GRM7: variants seen among roughly 807,000 people sequenced by gnomAD.
GRM7 encodes metabotropic glutamate receptor 7.
Under a neutral mutation model 84.5 loss-of-function variants are expected in GRM7, and 35 were observed. That is an observed-to-expected ratio of 0.41 (90% CI 0.32 to 0.55). The LOEUF (loss-of-function observed/expected upper bound fraction) is 0.55, where lower values mean the gene tolerates loss of function less well. GRM7 is among the 20% of genes least tolerant of loss of function. The pLI is 0.19. For synonymous variants in GRM7, 487 were observed against 455.1 expected (o/e 1.07, Z -0.89); for missense variants, 1,003 against 1,194.6 (o/e 0.84, Z 2.36).
intron 9 of GRM7, among the ~76,000 whole-genome samples, chr3:7,738,385 G>C (rs1279825883): frequency 2.6e-5 from 4 of 152,056 alleles, no homozygotes; most frequent in Admixed American, 2.6e-4. Context: ...ATCATAAACA[G>C]TGCTCATCTC....
chr3:7,522,108 C>T (rs553837401), intron 7 of GRM7, among the ~76,000 whole-genome samples: 49 of 152,050 alleles, frequency 3.2e-4, no homozygotes, highest in African/African-American at 1.0e-3. Context: ...TGTGTTAGAC[C>T]GTAGCCTCTG....
At position 7,567,144 on chromosome 3, in the gene GRM7, T is replaced by A. The variant is rs547729414; in HGVS notation, c.1516-11278T>A. ...ACTCACTTCATTTGTTTACTCTATA[T>A]GTCCAGCTTCTGTAGGCATTTTAAG... On this transcript the variant is annotated intron_variant, in intron 7 of 9. Coordinates refer to ENST00000357716, the MANE Select transcript of GRM7 (RefSeq NM_000844.4). Among the ~76,000 whole-genome samples the A allele has an allele frequency of 1.1e-3, 167 of 152,352 alleles. 3 individuals are homozygous for A. In the South Asian group the frequency reaches 0.032, roughly 29 times the overall value.
intron 6 of GRM7, 116 bp downstream of exon 6, chr3:7,452,923 TA>T: frequency 3.0e-6 from 2 of 656,266 alleles, no homozygotes; most frequent in East Asian, 5.5e-5. Context: ...TGCTTGATTA[TA>T]AAACTTTAAA....
chr3:7,137,749 T>TG (rs5846489), intron 1 of GRM7, among the ~76,000 whole-genome samples: 152,094 of 152,112 alleles, frequency 1, 76,038 homozygotes, highest in Non-Finnish European at 1. Flanking sequence ...TTTGGAGTGG[T>TG]GCAATTCAGG....
chr3:7,246,190 T>A lies in GRM7; in HGVS notation c.737-52494T>A, dbSNP rs370814658. Among the ~76,000 whole-genome samples, 90 of 152,272 alleles carry A rather than the reference T, an allele frequency of 5.9e-4. 5 individuals are homozygous for A. The South Asian group carries it at 0.014, about 23-fold the overall frequency. ...GTAGAAGTCACAATTACTAGGTTTT[T>A]ACAATCCTTTTCTAACTCTTCTCCC... On this transcript the variant is annotated intron_variant, in intron 2 of 9. Transcript: ENST00000357716.
chr3:7,672,109 T>C (rs923001573), intron 8 of GRM7, among the ~76,000 whole-genome samples: 4 of 152,006 alleles, frequency 2.6e-5, no homozygotes, highest in Non-Finnish European at 5.9e-5. Context: ...ATTTTTTTTT[T>C]CCATTATATA....
At chr3:7,321,421 C>T (rs1455456161) in intron 4 of GRM7, among the ~76,000 whole-genome samples, 1 of 151,948 alleles carries the variant, frequency 6.6e-6, no homozygotes, top group Non-Finnish European at 1.5e-5. Context: ...TCTGACCAGT[C>T]CCAAAAAGTA....
At chr3:6,935,532 C>T (rs1697657804) in intron 1 of GRM7, among the ~76,000 whole-genome samples, 1 of 151,808 alleles carries the variant, frequency 6.6e-6, no homozygotes, top group African/African-American at 2.4e-5. Flanking sequence ...CTAAATTCAC[C>T]CTTTTTACCT....
intron 7 of GRM7, among the ~76,000 whole-genome samples, chr3:7,543,174 C>T (rs567827191): frequency 1.2e-4 from 19 of 152,220 alleles, no homozygotes; most frequent in African/African-American, 4.1e-4. Flanking sequence ...GGTTTAGAGC[C>T]GAGAGGTTAA....
intron 1 of GRM7, among the ~76,000 whole-genome samples, chr3:6,921,340 G>A (rs1354755538): frequency 6.6e-6 from 1 of 152,182 alleles, no homozygotes; most frequent in African/African-American, 2.4e-5. Flanking sequence ...ACAGGAGGCA[G>A]CAGTGCCCGG....
At chr3:7,446,755 C>T (rs1050141292) in intron 5 of GRM7, among the ~76,000 whole-genome samples, 5 of 152,006 alleles carry the variant, frequency 3.3e-5, no homozygotes, top group Admixed American at 6.6e-5. Flanking sequence ...CTACCTTGCC[C>T]GGCCAGGATT....
At chr3:7,444,541 T>C (rs1697423580) in intron 5 of GRM7, among the ~76,000 whole-genome samples, 1 of 152,194 alleles carries the variant, frequency 6.6e-6, no homozygotes, top group Non-Finnish European at 1.5e-5. Context: ...ACTGAACAGA[T>C]TGGCATTACC....
rs1326149673 is a variant in GRM7 at position 7,305,340 on chromosome 3, T to A, written c.879-1158T>A. Among the ~76,000 whole-genome samples, 2 of 87,534 alleles carry A rather than the reference T, an allele frequency of 2.3e-5. 1 individual carries two copies. The highest frequency in any genetic ancestry group is 4.9e-5 in the Non-Finnish European group (2 of 40,900). The allele number at this position is 87,534 out of a possible 152,430, so 57.4% of individuals were successfully genotyped here. On this transcript the variant is annotated intron_variant, in intron 3 of 9. Coordinates refer to ENST00000357716, the MANE Select transcript of GRM7 (RefSeq NM_000844.4). ...TTTCCTATGCTGCTGCTTTTTTTTTTTTCTTTTTTTTTTTTTTTAATTATA... is the reference window on the plus strand; with the variant it reads ...TTTCCTATGCTGCTGCTTTTTTTTTATTCTTTTTTTTTTTTTTTAATTATA...
intron 1 of GRM7, among the ~76,000 whole-genome samples, chr3:6,948,556 A>T (rs971880809): frequency 6.6e-6 from 1 of 152,162 alleles, no homozygotes; most frequent in Non-Finnish European, 1.5e-5. Context: ...AGAGTTCTGT[A>T]GATGTCTATT....
intron 2 of GRM7, among the ~76,000 whole-genome samples, chr3:7,197,362 T>C (rs1308915087): frequency 2.0e-5 from 3 of 152,206 alleles, no homozygotes; most frequent in African/African-American, 4.8e-5. Flanking sequence ...ACATCTTTTA[T>C]CCTCACTATT....
chr3:6,982,571 T>C (rs1694250345), intron 1 of GRM7, among the ~76,000 whole-genome samples: 1 of 151,484 alleles, frequency 6.6e-6, no homozygotes, highest in South Asian at 2.1e-4. Context: ...CATGTAAACA[T>C]CACCAGAATC....
Position 7,517,003 on chromosome 3 carries a change from G to A in GRM7, c.1515+55281G>A, listed in dbSNP as rs1026150185. 7.2e-5 allele frequency among the ~76,000 whole-genome samples: 11 copies of A among 152,020 alleles called. No homozygotes were observed. In the East Asian group the frequency reaches 1.9e-3, roughly 27 times the overall value. On this transcript the variant is annotated intron_variant, in intron 7 of 9. Transcript: ENST00000357716. ...GGACAGTCAGTCTCTCTGCTGCCCC[G>A]CTCCCCTCAGCACACTTGATCTTTC...
At chr3:7,350,831 C>T (rs1248990271) in intron 4 of GRM7, among the ~76,000 whole-genome samples, 4 of 152,020 alleles carry the variant, frequency 2.6e-5, no homozygotes, top group African/African-American at 7.2e-5. Flanking sequence ...AACGTCCTGT[C>T]ACATGGACAG....
At chr3:7,127,489 C>T (rs1693440766) in intron 1 of GRM7, among the ~76,000 whole-genome samples, 1 of 152,122 alleles carries the variant, frequency 6.6e-6, no homozygotes, top group Non-Finnish European at 1.5e-5. Flanking sequence ...GCAATATCTG[C>T]TAAATTCAAA....
Sources: gnomAD v4.1 joint callset for allele counts (sites outside exome capture counted in the v4.1 genomes callset) on GRCh38, gnomAD v4.1.1 for gene constraint, MANE v1.5 for transcripts, NCBI Gene and HGNC (gene_info 2026-07-23, HGNC 2026-07-21) for gene names.